TRAPPC9: variants seen among roughly 807,000 people sequenced by gnomAD.
The protein encoded by TRAPPC9 is IKK2 binding protein.
Under a neutral mutation model 124.0 loss-of-function variants are expected in TRAPPC9, and 83 were observed. The observed-to-expected ratio is 0.67, with a 90% CI of 0.56 to 0.80. The LOEUF (loss-of-function observed/expected upper bound fraction) is 0.80. Ranked by LOEUF, TRAPPC9 falls within the 30% of genes least tolerant of loss-of-function variation. The pLI is 0.00. For synonymous variants in TRAPPC9, 638 were observed against 617.5 expected (o/e 1.03, Z -0.49); for missense variants, 1,302 against 1,508.3 (o/e 0.86, Z 2.27).
At chr8:140,217,828 C>T (rs994053471) in intron 17 of TRAPPC9, among the ~76,000 whole-genome samples, 1 of 152,100 alleles carries the variant, frequency 6.6e-6, no homozygotes, top group African/African-American at 2.4e-5. Flanking sequence ...CCAGCCTGGT[C>T]AACAATGGTG....
rs370922652 is a variant in TRAPPC9 at position 139,776,095 on chromosome 8, C to A, written c.3056-43893G>T. 2.2e-4 allele frequency among the ~76,000 whole-genome samples: 33 copies of A among 152,304 alleles called. No individual in the cohort carries two copies. Among genetic ancestry groups the A allele is most frequent in the African/African-American group, 7.9e-4 (33 of 41,574 alleles). On this transcript the variant is annotated intron_variant, in intron 21 of 22. Transcript: ENST00000438773. This position sits in a 1 kb window ranked among gnomAD's most constrained non-coding sequence, Gnocchi z 4.1. ...AGCAATAGCCACCAACCCTGACCAA[C>A]CTCCTTCCTGAGGACAAGAGGACGA...
chr8:140,441,127 C>G (rs2071002665), intron 2 of TRAPPC9, among the ~76,000 whole-genome samples: 1 of 151,556 alleles, frequency 6.6e-6, no homozygotes, highest in African/African-American at 2.4e-5. Flanking sequence ...CACAGGTGTG[C>G]ACCACAACAC....
At chr8:140,052,211 AAACAACAACAACAAC>A (rs58435328) in intron 17 of TRAPPC9, among the ~76,000 whole-genome samples, 67,799 of 151,612 alleles carry the variant, frequency 0.45, 16,780 homozygotes, top group Middle Eastern at 0.58. Context: ...GTATTCTCCA[AAACAACAACAACAAC>A]AACAACAACA....
At chr8:139,990,156 T>G (rs1837531989) in intron 18 of TRAPPC9, among the ~76,000 whole-genome samples, 1 of 152,154 alleles carries the variant, frequency 6.6e-6, no homozygotes, top group Admixed American at 6.5e-5. Flanking sequence ...AGGCAAGGCT[T>G]TGCTGGCTGT....
intron 3 of TRAPPC9, among the ~76,000 whole-genome samples, chr8:140,437,320 C>G (rs1311339887): frequency 6.6e-6 from 1 of 151,676 alleles, no homozygotes; most frequent in Non-Finnish European, 1.5e-5. Context: ...CATGCCTGGC[C>G]GTTTGAAGTA....
chr8:140,404,355 G>T (rs75651445), intron 6 of TRAPPC9, among the ~76,000 whole-genome samples: 2,348 of 152,218 alleles, frequency 0.015, 72 homozygotes, highest in African/African-American at 0.054. Context: ...CCATCCACGA[G>T]AGAATAATTA....
At chr8:140,237,619 G>T (rs60682469) in intron 16 of TRAPPC9, among the ~76,000 whole-genome samples, 21 of 151,944 alleles carry the variant, frequency 1.4e-4, no homozygotes, top group Non-Finnish European at 2.6e-4. Context: ...ATGAGAGCAC[G>T]GTGCAACTAA....
intron 17 of TRAPPC9, among the ~76,000 whole-genome samples, chr8:140,194,474 T>A (rs983275415): frequency 2.0e-5 from 3 of 152,174 alleles, no homozygotes; most frequent in African/African-American, 7.2e-5. Context: ...ATAGGAAAAA[T>A]GTCTGTACAT....
At position 140,201,064 on chromosome 8, in the gene TRAPPC9, C is replaced by A. The variant is rs143181285; in HGVS notation, c.2556+20395G>T. ...TGTCACCACCGTGCTATTCTAACGC[C>A]GGATGCAGGGCTCACAGACCCAGGC... is the stretch of plus-strand genomic sequence containing the variant. On this transcript the variant is annotated intron_variant, in intron 17 of 22. Transcript: ENST00000438773. Among the ~76,000 whole-genome samples, 36 of 152,310 alleles carry A rather than the reference C, an allele frequency of 2.4e-4. 1 individual carries two copies. The East Asian group carries it at 6.7e-3, about 29-fold the overall frequency.
chr8:140,395,536 T>C (rs966796921), intron 7 of TRAPPC9, among the ~76,000 whole-genome samples: 4 of 152,148 alleles, frequency 2.6e-5, no homozygotes, highest in African/African-American at 7.2e-5. Flanking sequence ...GCTATAAACA[T>C]TATAAAGTAC....
rs1474590996 is a variant in TRAPPC9 at position 140,007,512 on chromosome 8, T to C, written c.2699+16425A>G. On this transcript the variant is annotated intron_variant, in intron 18 of 22. Transcript: ENST00000438773. ...TGAAATCATGTTTCATGCATCACCA[T>C]TTGGAAATTAAACTCTACAATGATT... Among the ~76,000 whole-genome samples the C allele has an allele frequency of 5.3e-5, 8 of 152,314 alleles. 1 individual carries two copies. The South Asian group carries it at 8.3e-4, about 16-fold the overall frequency.
intron 17 of TRAPPC9, among the ~76,000 whole-genome samples, chr8:140,118,229 T>C (rs2060925547): frequency 6.6e-6 from 1 of 152,192 alleles, no homozygotes; most frequent in South Asian, 2.1e-4. Context: ...ACCAGCCGCC[T>C]GGAATGGGAA....
intron 19 of TRAPPC9, among the ~76,000 whole-genome samples, chr8:139,928,971 T>C (rs1450893610): frequency 2.6e-5 from 4 of 151,888 alleles, no homozygotes; most frequent in Non-Finnish European, 4.4e-5. Context: ...CGCCCCTCGA[T>C]GTTGCTTACG....
chr8:140,157,476 G>T (rs529340496), intron 17 of TRAPPC9, among the ~76,000 whole-genome samples: 1 of 152,168 alleles, frequency 6.6e-6, no homozygotes, highest in Admixed American at 6.5e-5. Context: ...AACGAATGAC[G>T]AAATGAGTGC....
At chr8:140,211,613 T>A (rs2063064293) in intron 17 of TRAPPC9, among the ~76,000 whole-genome samples, 1 of 152,222 alleles carries the variant, frequency 6.6e-6, no homozygotes, top group Non-Finnish European at 1.5e-5. Flanking sequence ...CACAATTCTT[T>A]ATTTTAAAAG....
chr8:140,002,095 A>G (rs1341962979), intron 18 of TRAPPC9, among the ~76,000 whole-genome samples: 1 of 151,734 alleles, frequency 6.6e-6, no homozygotes, highest in African/African-American at 2.4e-5. Flanking sequence ...TGAGGTCAGC[A>G]TTATCTAATA....
At chr8:139,906,466 G>A (rs527400747) in intron 20 of TRAPPC9, among the ~76,000 whole-genome samples, 11 of 152,176 alleles carry the variant, frequency 7.2e-5, no homozygotes, top group Non-Finnish European at 1.0e-4. Flanking sequence ...AATCACACGT[G>A]GGGTCTGAGG....
intron 8 of TRAPPC9, among the ~76,000 whole-genome samples, chr8:140,364,223 A>G (rs2068038173): frequency 6.7e-6 from 1 of 150,156 alleles, no homozygotes; most frequent in African/African-American, 2.5e-5. Flanking sequence ...CACTCCTAAG[A>G]TAACTTGCAT....
At chr8:139,813,858 ACCGGGGGTGAGGTGACGGTG>A (rs2130758974) in intron 21 of TRAPPC9, among the ~76,000 whole-genome samples, 1 of 152,182 alleles carries the variant, frequency 6.6e-6, no homozygotes, top group South Asian at 2.1e-4. Context: ...AGGTGACGGC[ACCGGGGGTGAGGTGACGGTG>A]CCGGGGCAGA....
Sources: gnomAD v4.1 joint callset for allele counts (sites outside exome capture counted in the v4.1 genomes callset) on GRCh38, gnomAD v4.1.1 for gene constraint, Gnocchi (gnomAD v3.1) non-coding constraint, MANE v1.5 for transcripts, NCBI Gene and HGNC (gene_info 2026-07-23, HGNC 2026-07-21) for gene names.